STMND1: variants seen among roughly 807,000 people sequenced by gnomAD.
The protein encoded by STMND1 is stathmin domain containing 1.
Under a neutral mutation model 23.0 loss-of-function variants are expected in STMND1, and 17 were observed. That is an observed-to-expected ratio of 0.74 (90% CI 0.51 to 1.11). STMND1 has a LOEUF of 1.11. STMND1 is among the 50% of genes least tolerant of loss of function. The pLI, the probability that STMND1 is intolerant of heterozygous loss-of-function variation, is 0.00. For synonymous variants in STMND1, 114 were observed against 119.9 expected (o/e 0.95, Z 0.32); for missense variants, 305 against 329.1 (o/e 0.93, Z 0.57).
chr6:17,102,088 C>CG lies in STMND1; in HGVS notation c.-166dup, dbSNP rs1016817635. On this transcript the variant is annotated 5_prime_UTR_variant, in exon 1 of 5. Transcript: ENST00000536551. ...GCCCAGAAACTCAGTGCGTCCTGCC[C>CG]GGGGTTTAAGCGCGGGAAGTGGGAG... 6.6e-6 allele frequency among the ~76,000 whole-genome samples: 1 copy of CG among 152,210 alleles called. No individual in the cohort carries two copies. Among genetic ancestry groups the CG allele is most frequent in the Non-Finnish European group, 1.5e-5 (1 of 68,034 alleles).
At chr6:17,102,462 A>G in intron 1 of STMND1, 124 bp downstream of exon 1, 1 of 1,104,408 alleles carries the variant, frequency 9.1e-7, no homozygotes, top group South Asian at 1.5e-5. Flanking sequence ...GAGGCTAGTT[A>G]ACAGGTGGGA....
At position 17,130,773 on chromosome 6, in the gene STMND1, G is replaced by A. The variant is rs1015003424; in HGVS notation, c.723G>A (p.Lys241=). The A allele has an allele frequency of 2.6e-6, 4 of 1,536,066 alleles. No homozygotes were observed. The highest frequency in any genetic ancestry group is 3.5e-6 in the Non-Finnish European group (4 of 1,146,910). Residue 241 remains lysine (K), a synonymous_variant, in exon 5 of 5, where the codon AAG becomes AAA. Transcript: ENST00000536551. The part of the protein sequence containing the change: ...DLQGGKPLKR[K]KSKCDATLID... Reference sequence around the variant, plus strand: ...AGGGAGGAAAACCATTGAAGAGGAAGAAGAGTAAATGTGATGCAACCTTGA... The same window carrying A: ...AGGGAGGAAAACCATTGAAGAGGAAAAAGAGTAAATGTGATGCAACCTTGA...
Position 17,120,655 on chromosome 6 carries a change from G to A in STMND1, c.308G>A (p.Arg103Gln), listed in dbSNP as rs534656316. The change falls in exon 3 of 5, where the codon CGA becomes CAA. Residue 103 changes from arginine (R) to glutamine (Q), a missense_variant. Arg to Gln is a conservative substitution (Grantham distance 43). Coordinates refer to ENST00000536551, the MANE Select transcript of STMND1 (RefSeq NM_001190766.2). ...LINKPQSLES[R>Q]ERQKSSDILE... ...AATAAACCCCAATCCCTAGAGAGTC[G>A]AGAGCGACAGAAGTCATCAGATATC... 78 of 1,535,070 alleles carry A rather than the reference G, an allele frequency of 5.1e-5. No homozygotes were observed. Among genetic ancestry groups the A allele is most frequent in the Non-Finnish European group, 6.5e-5 (75 of 1,146,514 alleles).
intron 3 of STMND1, among the ~76,000 whole-genome samples, chr6:17,126,062 ATATATATATTT>A (rs1291385492): frequency 1.2e-4 from 3 of 24,374 alleles, no homozygotes; most frequent in African/African-American, 5.2e-4. Context: ...ATATATATAT[ATATATATATTT>A]TTTTTTTTTT....
intron 2 of STMND1, among the ~76,000 whole-genome samples, chr6:17,117,667 C>CTTTTTTTTTTTT (rs34107338): frequency 2.0e-5 from 1 of 49,566 alleles, no homozygotes; most frequent in Non-Finnish European, 3.4e-5. Flanking sequence ...TTGGGTTACG[C>CTTTTTTTTTTTT]TTTTTTTTTT....
At chr6:17,107,857 A>G (rs1221497557) in intron 1 of STMND1, among the ~76,000 whole-genome samples, 1 of 152,242 alleles carries the variant, frequency 6.6e-6, no homozygotes, top group Non-Finnish European at 1.5e-5. Context: ...TTCTTCATGT[A>G]TATGTAGAAT....
intron 3 of STMND1, among the ~76,000 whole-genome samples, chr6:17,122,811 A>T (rs1027690222): frequency 6.6e-6 from 1 of 152,170 alleles, no homozygotes; most frequent in Non-Finnish European, 1.5e-5. Context: ...ACATTTGCAC[A>T]ACGCTAGCAT....
At chr6:17,108,681 G>T (rs1476340553) in intron 1 of STMND1, among the ~76,000 whole-genome samples, 2 of 139,022 alleles carry the variant, frequency 1.4e-5, no homozygotes, top group Non-Finnish European at 3.1e-5. Context: ...TCTCCTTCCT[G>T]TTCTTTTTCT....
intron 1 of STMND1, among the ~76,000 whole-genome samples, chr6:17,108,990 C>T (rs554937698): frequency 3.9e-5 from 6 of 151,972 alleles, no homozygotes; most frequent in Non-Finnish European, 7.4e-5. Flanking sequence ...ATTTTATATA[C>T]ATATAAAACA....
chr6:17,109,720 C>G (rs1447695678), intron 1 of STMND1, among the ~76,000 whole-genome samples: 1 of 152,154 alleles, frequency 6.6e-6, no homozygotes, highest in Non-Finnish European at 1.5e-5. Flanking sequence ...TTCTTTCCCC[C>G]ATTCTTGCTG....
At chr6:17,125,039 A>G (rs1016963651) in intron 3 of STMND1, among the ~76,000 whole-genome samples, 1 of 151,122 alleles carries the variant, frequency 6.6e-6, no homozygotes, top group Non-Finnish European at 1.5e-5. Context: ...TAAATGTGCT[A>G]GGCATGGTGG....
intron 1 of STMND1, chr6:17,110,893 T>C: frequency 2.2e-6 from 1 of 455,966 alleles, no homozygotes; most frequent in Non-Finnish European, 4.4e-6. Context: ...ATGTGTGTCT[T>C]AGATGGAGAA....
intron 3 of STMND1, among the ~76,000 whole-genome samples, chr6:17,124,668 G>A (rs1398657681): frequency 1.3e-5 from 2 of 152,122 alleles, no homozygotes; most frequent in Admixed American, 6.5e-5. Context: ...ACCAGCTTTC[G>A]AGATGTTTAT....
intron 3 of STMND1, among the ~76,000 whole-genome samples, chr6:17,122,648 AT>A (rs765922781): frequency 3.3e-5 from 5 of 149,882 alleles, no homozygotes; most frequent in Non-Finnish European, 5.9e-5. Context: ...TGCAGAAAGT[AT>A]TTGGGGGAAA....
At chr6:17,121,800 C>A (rs988490720) in intron 3 of STMND1, among the ~76,000 whole-genome samples, 1 of 151,620 alleles carries the variant, frequency 6.6e-6, no homozygotes, top group Non-Finnish European at 1.5e-5. Context: ...CATAGTTTTT[C>A]TTCAGCGTGA....
rs911942119 is a variant in STMND1, at chr6:17,102,180, G to C, written c.-78G>C. ...CAGGGCGCAGGAGCGCGGGACCACC[G>C]GCGCCGGAGCGCGGCAGGGAGCGCT... is the stretch of plus-strand genomic sequence containing the variant. On this transcript the variant is annotated 5_prime_UTR_variant, in exon 1 of 5. Transcript: ENST00000536551. 8.0e-6 allele frequency: 11 copies of C among 1,382,484 alleles called. No individual in the cohort carries two copies. Among genetic ancestry groups the C allele is most frequent in the African/African-American group, 3.1e-5 (2 of 65,542 alleles). 85.6% of individuals were successfully genotyped at this position (1,382,484 alleles called of 1,614,324 possible).
At chr6:17,119,880 G>T (rs916138155) in intron 2 of STMND1, among the ~76,000 whole-genome samples, 1 of 152,088 alleles carries the variant, frequency 6.6e-6, no homozygotes, top group Non-Finnish European at 1.5e-5. Flanking sequence ...ACAGGCCAGC[G>T]CCGTTTATTT....
intron 1 of STMND1, among the ~76,000 whole-genome samples, chr6:17,103,667 G>A (rs1455421742): frequency 6.8e-6 from 1 of 146,998 alleles, no homozygotes; most frequent in Non-Finnish European, 1.5e-5. Flanking sequence ...CATCCCCCGG[G>A]TTCAAGCAAT....
At chr6:17,102,369 A>AACAAACAG (rs766498548) in intron 1 of STMND1, 31 bp downstream of exon 1, 6 of 1,508,492 alleles carry the variant, frequency 4.0e-6, no homozygotes, top group African/African-American at 2.8e-5. Flanking sequence ...CAAACAAACA[A>AACAAACAG]ACAGACAGAA....
Sources: gnomAD v4.1 joint callset for allele counts (sites outside exome capture counted in the v4.1 genomes callset) on GRCh38, gnomAD v4.1.1 for gene constraint, MANE v1.5 for transcripts, NCBI Gene and HGNC (gene_info 2026-07-23, HGNC 2026-07-21) for gene names.